Variants in CNTN6 observed in about 807,000 individuals in gnomAD.
CNTN6 encodes the protein contactin 6, also known as contactin-6.
A neutral mutation model predicts 122.8 loss-of-function variants in CNTN6; 137 were observed. That is an observed-to-expected ratio of 1.12 (90% CI 0.97 to 1.29). CNTN6 has a LOEUF of 1.29. Ranked by LOEUF, CNTN6 falls within the 50% of genes most tolerant of loss-of-function variation. CNTN6 has a pLI of 0.00. For missense variants in CNTN6, 1,634 were observed against 1,223.4 expected (o/e 1.34, Z -5.01); for synonymous variants, 570 against 426.0 (o/e 1.34, Z -4.16).
chr3:1,205,835 G>T (rs1027133013), intron 2 of CNTN6, among the ~76,000 whole-genome samples: 4 of 152,132 alleles, frequency 2.6e-5, no homozygotes, highest in African/African-American at 9.7e-5. Context: ...GGCTTACCAT[G>T]GGTAAATTGG....
intron 11 of CNTN6, among the ~76,000 whole-genome samples, chr3:1,339,632 G>A (rs1212916815): frequency 6.6e-6 from 1 of 152,110 alleles, no homozygotes; most frequent in Non-Finnish European, 1.5e-5. Context: ...TCCTGGAAGA[G>A]AAAAGTGGGA....
Position 1,327,549 on chromosome 3 carries a change from T to C in CNTN6, c.1176T>C (p.Tyr392=). ...GVYQCAAENK[Y]QIIYANAELR... is the part of the protein sequence containing the mutation. ...ACCAATGTGCTGCAGAAAACAAATA[T>C]CAGATAATTTATGCAAATGCTGAAT... is the stretch of plus-strand genomic sequence containing the variant. Residue 392 remains tyrosine, a synonymous_variant, in exon 10 of 23, where the codon TAT becomes TAC. Transcript: ENST00000446702. 5.0e-6 allele frequency: 8 copies of C among 1,610,742 alleles called. No individual in the cohort carries two copies. Among genetic ancestry groups the C allele is most frequent in the Non-Finnish European group, 6.8e-6 (8 of 1,178,034 alleles).
chr3:1,206,351 A>AT (rs2125452577), intron 2 of CNTN6, among the ~76,000 whole-genome samples: 1 of 152,234 alleles, frequency 6.6e-6, no homozygotes, highest in East Asian at 1.9e-4. Flanking sequence ...GCATCAGTGT[A>AT]TTTTCCATCT....
chr3:1,256,354 G>T (rs369039126), intron 4 of CNTN6, among the ~76,000 whole-genome samples: 2 of 152,170 alleles, frequency 1.3e-5, no homozygotes, highest in East Asian at 3.9e-4. Context: ...AGAAATTTTG[G>T]ATGTTAAACC....
chr3:1,384,784 T>TACATATATACACACACACAC (rs1262554562), intron 19 of CNTN6, among the ~76,000 whole-genome samples: 8 of 133,620 alleles, frequency 6.0e-5, no homozygotes, highest in African/African-American at 2.2e-4. Flanking sequence ...TATATATATA[T>TACATATATACACACACACAC]ATATATATAT....
chr3:1,177,949 G>A (rs1036457086), intron 2 of CNTN6, among the ~76,000 whole-genome samples: 2 of 149,118 alleles, frequency 1.3e-5, no homozygotes, highest in Non-Finnish European at 3.0e-5. Flanking sequence ...CACCTAGGCT[G>A]GAGTACAGTG....
rs1692856616 is a variant in CNTN6, at chr3:1,278,719, A to T, written c.454+211A>T. 2.0e-5 allele frequency among the ~76,000 whole-genome samples: 3 copies of T among 152,200 alleles called. No individual in the cohort carries two copies. The South Asian group carries it at 6.2e-4, about 32-fold the overall frequency. ...GCAGCCACACAGCAAATATGTTTTT[A>T]AGGAGATACATCATGGCATTGTACG... On this transcript the variant is annotated intron_variant, in intron 5 of 22. Coordinates refer to ENST00000446702, the MANE Select transcript of CNTN6 (RefSeq NM_001289080.2).
At chr3:1,292,093 A>G (rs763600668) in intron 5 of CNTN6, among the ~76,000 whole-genome samples, 6 of 152,050 alleles carry the variant, frequency 3.9e-5, no homozygotes, top group African/African-American at 9.7e-5. Context: ...GTCTAATGAT[A>G]AAGAACTCAC....
intron 1 of CNTN6, among the ~76,000 whole-genome samples, chr3:1,098,124 T>C (rs1180785759): frequency 6.6e-6 from 1 of 151,490 alleles, no homozygotes; most frequent in African/African-American, 2.4e-5. Flanking sequence ...TTGGGAGATA[T>C]ACCTAATGCT....
At chr3:1,400,467 C>G (rs906487585) in intron 20 of CNTN6, among the ~76,000 whole-genome samples, 2 of 148,502 alleles carry the variant, frequency 1.3e-5, no homozygotes, top group African/African-American at 4.9e-5. Flanking sequence ...TCTCTTATCT[C>G]CCACCATCTC....
At chr3:1,384,748 CACATATATATACATATATATACACAT>C (rs1692534621) in intron 19 of CNTN6, among the ~76,000 whole-genome samples, 2 of 87,092 alleles carry the variant, frequency 2.3e-5, no homozygotes, top group Non-Finnish European at 4.4e-5. Context: ...TACATATATA[CACATATATATACATATATATACACAT>C]ATATATATAT....
Position 1,220,770 on chromosome 3 carries a change from A to T in CNTN6, c.139A>T (p.Ile47Phe), listed in dbSNP as rs200776867. 26 of 1,612,864 alleles carry T rather than the reference A, an allele frequency of 1.6e-5. No individual in the cohort carries two copies. The highest frequency in any genetic ancestry group is 1.7e-4 in the Middle Eastern group (1 of 6,050). Reference protein sequence around the residue: ...FPLDLSKSEVILNCAANGYPS... With the variant: ...FPLDLSKSEVFLNCAANGYPS... ...TTTGGATTTATCAAAATCTGAGGTC[A>T]TCCTGAATTGTGCTGCTAATGGTTA... The change falls in exon 3 of 23, where the codon ATC (isoleucine) becomes TTC (phenylalanine). Residue 47 changes from isoleucine to phenylalanine, a missense_variant. Coordinates refer to ENST00000446702, the MANE Select transcript of CNTN6 (RefSeq NM_001289080.2).
intron 11 of CNTN6, among the ~76,000 whole-genome samples, chr3:1,349,177 A>G (rs1054475564): frequency 6.6e-6 from 1 of 151,952 alleles, no homozygotes; most frequent in African/African-American, 2.4e-5. Flanking sequence ...ATTTCCACAC[A>G]TATTTTTATG....
At chr3:1,211,386 T>C (rs2094035836) in intron 2 of CNTN6, among the ~76,000 whole-genome samples, 1 of 152,178 alleles carries the variant, frequency 6.6e-6, no homozygotes, top group Admixed American at 6.5e-5. Context: ...TCCCTTGTGA[T>C]TTCCTCTAAA....
In CNTN6 at chr3:1,325,798, T is replaced by C. The variant is rs951915817; in HGVS notation, c.947-17T>C. 6.2e-7 allele frequency: 1 copy of C among 1,608,802 alleles called. No homozygotes were observed. The highest frequency in any genetic ancestry group is 8.5e-7 in the Non-Finnish European group (1 of 1,177,222). On this transcript the variant is annotated splice_polypyrimidine_tract_variant and intron_variant, in intron 8 of 22. Coordinates refer to ENST00000446702, the MANE Select transcript of CNTN6 (RefSeq NM_001289080.2). ...ACTGCCTTTTACCAAACAGTGGCAC[T>C]TGCCTTTTTGAAACAGCTCCTCCAG...
At position 1,098,365 on chromosome 3, in the gene CNTN6, A is replaced by T. The variant is rs190633343; in HGVS notation, c.-83+5245A>T. Among the ~76,000 whole-genome samples the T allele has an allele frequency of 5.7e-3, 869 of 152,262 alleles. 11 individuals carry two copies. Among genetic ancestry groups the T allele is most frequent in the African/African-American group, 0.02 (830 of 41,572 alleles). ...TTCTTTCTTCAAAGAAAAACATCAC[A>T]AATACTTGTACATTTCTTTCCTGTT... On this transcript the variant is annotated intron_variant, in intron 1 of 22. Transcript: ENST00000446702.
chr3:1,145,724 G>C (rs2092710868), intron 1 of CNTN6, among the ~76,000 whole-genome samples: 1 of 152,122 alleles, frequency 6.6e-6, no homozygotes, highest in Non-Finnish European at 1.5e-5. Context: ...TCTATATAGA[G>C]ATAATACATA....
intron 4 of CNTN6, among the ~76,000 whole-genome samples, chr3:1,262,665 C>A (rs2094865367): frequency 1.3e-5 from 2 of 152,116 alleles, no homozygotes; most frequent in South Asian, 2.1e-4. Context: ...GGCCTTATGG[C>A]ATTGTGCTAA....
At chr3:1,148,333 A>G (rs966145236) in intron 2 of CNTN6, among the ~76,000 whole-genome samples, 1 of 151,860 alleles carries the variant, frequency 6.6e-6, no homozygotes, top group Non-Finnish European at 1.5e-5. Context: ...GTAATATTTA[A>G]TTATATAATA....
Sources: gnomAD v4.1 joint callset for allele counts (sites outside exome capture counted in the v4.1 genomes callset) on GRCh38, gnomAD v4.1.1 for gene constraint, MANE v1.5 for transcripts, NCBI Gene and HGNC (gene_info 2026-07-23, HGNC 2026-07-21) for gene names.